RPS6KA5: variants seen among roughly 807,000 people sequenced by gnomAD.
RPS6KA5 encodes ribosomal protein S6 kinase alpha-5.
A neutral mutation model predicts 85.5 loss-of-function variants in RPS6KA5; 27 were observed. The ratio of observed to expected loss-of-function variants is 0.32; its 90% CI spans 0.23 to 0.44. RPS6KA5 has a LOEUF of 0.44. Among genes scored for constraint, RPS6KA5 ranks in the 20% least tolerant of loss-of-function variants. The pLI is 1.00. For synonymous variants in RPS6KA5, 334 were observed against 348.2 expected (o/e 0.96, Z 0.46); for missense variants, 811 against 980.9 (o/e 0.83, Z 2.31).
chr14:90,977,681 CA>C (rs1286705726), intron 3 of RPS6KA5, among the ~76,000 whole-genome samples: 1 of 152,174 alleles, frequency 6.6e-6, no homozygotes, highest in Non-Finnish European at 1.5e-5. Context: ...CCCACTTCAC[CA>C]ATCAGTTCCT....
intron 14 of RPS6KA5, among the ~76,000 whole-genome samples, chr14:90,878,997 CT>C (rs1269515064): frequency 1.3e-5 from 2 of 152,194 alleles, no homozygotes; most frequent in Admixed American, 6.5e-5. Context: ...ACAGGAGAGT[CT>C]CAGAGCAGAC....
intron 3 of RPS6KA5, among the ~76,000 whole-genome samples, chr14:90,975,040 G>T (rs2039501291): frequency 6.6e-6 from 1 of 152,078 alleles, no homozygotes; most frequent in African/African-American, 2.4e-5. Flanking sequence ...AGACCTAGAA[G>T]AATATATACT....
intron 1 of RPS6KA5, among the ~76,000 whole-genome samples, chr14:91,051,682 T>G (rs2139947755): frequency 6.6e-6 from 1 of 152,036 alleles, no homozygotes. Context: ...AGAGATGGGG[T>G]TTCACCATGT....
At chr14:90,888,884 A>G (rs1157597251) in intron 14 of RPS6KA5, among the ~76,000 whole-genome samples, 1 of 152,228 alleles carries the variant, frequency 6.6e-6, no homozygotes, top group African/African-American at 2.4e-5. Context: ...AACAAGTGAC[A>G]CACCAGAAAA....
At chr14:91,037,429 T>C (rs2042448297) in intron 1 of RPS6KA5, among the ~76,000 whole-genome samples, 1 of 152,168 alleles carries the variant, frequency 6.6e-6, no homozygotes, top group Admixed American at 6.5e-5. Context: ...CATTCCAAAA[T>C]CCTATCATTG....
chr14:91,045,075 T>C (rs941531456), intron 1 of RPS6KA5, among the ~76,000 whole-genome samples: 2 of 152,054 alleles, frequency 1.3e-5, no homozygotes, highest in Non-Finnish European at 2.9e-5. Context: ...TTAGGTCTCA[T>C]AAGGATTTAT....
At chr14:90,989,355 G>A (rs901588824) in intron 2 of RPS6KA5, among the ~76,000 whole-genome samples, 3 of 152,162 alleles carry the variant, frequency 2.0e-5, no homozygotes, top group African/African-American at 4.8e-5. Context: ...CTCTACAACC[G>A]TGTGAAAGCA....
At chr14:90,940,580 T>C (rs1446317231) in intron 5 of RPS6KA5, among the ~76,000 whole-genome samples, 1 of 152,236 alleles carries the variant, frequency 6.6e-6, no homozygotes, top group African/African-American at 2.4e-5. Context: ...TGTTTCTATC[T>C]ATTGCCAAAT....
chr14:91,018,445 G>C (rs972914868), intron 1 of RPS6KA5, among the ~76,000 whole-genome samples: 5 of 152,214 alleles, frequency 3.3e-5, no homozygotes, highest in Admixed American at 6.5e-5. Flanking sequence ...AGTGGACTGA[G>C]AGAAGAAGAC....
chr14:90,885,389 T>C (rs2034126747), intron 14 of RPS6KA5, among the ~76,000 whole-genome samples: 2 of 150,286 alleles, frequency 1.3e-5, no homozygotes, highest in Admixed American at 6.6e-5. Context: ...TCGTCTCTAC[T>C]AGAAATACAA....
At chr14:90,972,045 G>A (rs572436483) in intron 3 of RPS6KA5, among the ~76,000 whole-genome samples, 28 of 152,326 alleles carry the variant, frequency 1.8e-4, no homozygotes, top group African/African-American at 6.0e-4. Context: ...GAATATCTAA[G>A]ATTCAGTTAA....
intron 5 of RPS6KA5, among the ~76,000 whole-genome samples, chr14:90,931,458 A>T (rs981751865): frequency 6.6e-6 from 1 of 152,174 alleles, no homozygotes; most frequent in African/African-American, 2.4e-5. Context: ...CAAAATGAGT[A>T]TTATTAAAGC....
intron 3 of RPS6KA5, 49 bp downstream of exon 3, chr14:90,978,257 C>G: frequency 7.2e-7 from 1 of 1,394,790 alleles, no homozygotes; most frequent in Non-Finnish European, 9.9e-7. Flanking sequence ...TAACTTAAGA[C>G]CCAAAGAAAA....
At chr14:90,956,874 A>G (rs935916504) in intron 3 of RPS6KA5, among the ~76,000 whole-genome samples, 2 of 151,690 alleles carry the variant, frequency 1.3e-5, no homozygotes, top group African/African-American at 2.4e-5. Flanking sequence ...ACTATATATA[A>G]TTTTGTCTTT....
chr14:91,018,087 C>T (rs1355266969), intron 1 of RPS6KA5, among the ~76,000 whole-genome samples: 1 of 152,174 alleles, frequency 6.6e-6, no homozygotes, highest in Non-Finnish European at 1.5e-5. Context: ...TGGCCCAGAA[C>T]CTTCAGGAAT....
chr14:90,979,947 C>A (rs1448472181), intron 2 of RPS6KA5, among the ~76,000 whole-genome samples: 3 of 152,122 alleles, frequency 2.0e-5, no homozygotes. Flanking sequence ...TCCTCACAAG[C>A]GCTAGTAATC....
At chr14:91,033,192 A>C (rs2042262375) in intron 1 of RPS6KA5, among the ~76,000 whole-genome samples, 1 of 151,484 alleles carries the variant, frequency 6.6e-6, no homozygotes, top group Non-Finnish European at 1.5e-5. Context: ...TCTGTCTCAA[A>C]AAAAAAAAAG....
chr14:90,981,005 C>A (rs918188714), intron 2 of RPS6KA5, among the ~76,000 whole-genome samples: 3 of 152,142 alleles, frequency 2.0e-5, no homozygotes, highest in Non-Finnish European at 4.4e-5. Context: ...AACCCTGTCT[C>A]TACTGAAAAC....
intron 1 of RPS6KA5, 53 bp from the exon 2 acceptor site, chr14:91,001,212 G>C: frequency 1.8e-6 from 2 of 1,114,168 alleles, no homozygotes; most frequent in Non-Finnish European, 2.7e-6. Context: ...ATAGAAGGAG[G>C]CTCCTGGGGG....
Sources: gnomAD v4.1 joint callset for allele counts (sites outside exome capture counted in the v4.1 genomes callset) on GRCh38, gnomAD v4.1.1 for gene constraint, MANE v1.5 for transcripts, NCBI Gene and HGNC (gene_info 2026-07-23, HGNC 2026-07-21) for gene names.